DSE: variants seen among roughly 807,000 people sequenced by gnomAD.
DSE encodes dermatan sulfate epimerase.
DSE carries 36 observed loss-of-function variants against 84.4 expected under a neutral mutation model. That is an observed-to-expected ratio of 0.43 (90% CI 0.33 to 0.56). The LOEUF is 0.56. Among genes scored for constraint, DSE ranks in the 20% least tolerant of loss-of-function variants. The pLI is 0.06. For missense variants in DSE, 862 were observed against 1,169.6 expected (o/e 0.74, Z 3.84); for synonymous variants, 410 against 430.1 (o/e 0.95, Z 0.58).
chr6:116,331,402 C>A (rs773222793), intron 2 of DSE, among the ~76,000 whole-genome samples: 1 of 152,050 alleles, frequency 6.6e-6, no homozygotes, highest in African/African-American at 2.4e-5. Flanking sequence ...AAGTGCACTG[C>A]GAAGTGGGGA....
chr6:116,384,218 G>A (rs1780433901), intron 1 of DSE, among the ~76,000 whole-genome samples: 1 of 152,162 alleles, frequency 6.6e-6, no homozygotes, highest in Non-Finnish European at 1.5e-5. Context: ...GGAAGGCTTG[G>A]CTGGTCTGGA....
chr6:116,340,445 C>A (rs1777520570), intron 2 of DSE, among the ~76,000 whole-genome samples: 1 of 152,078 alleles, frequency 6.6e-6, no homozygotes, highest in African/African-American at 2.4e-5. Context: ...TTTCTAATTT[C>A]TATCACCTGA....
chr6:116,312,006 AT>A (rs963496422), intron 2 of DSE, among the ~76,000 whole-genome samples: 1 of 152,174 alleles, frequency 6.6e-6, no homozygotes, highest in Non-Finnish European at 1.5e-5. Flanking sequence ...TGGTTTTCCA[AT>A]TAGGTTCTTT....
chr6:116,418,230 G>T (rs1387168854), intron 2 of DSE, among the ~76,000 whole-genome samples: 1 of 152,126 alleles, frequency 6.6e-6, no homozygotes, highest in Non-Finnish European at 1.5e-5. Context: ...TTTCAACAGG[G>T]AGAGGGTCAT....
chr6:116,323,408 T>G lies in DSE; in HGVS notation c.-54+64441T>G, dbSNP rs76109650. ...TCTATTTTTTTATTGAGTAGTGAGA[T>G]TCACATTTGACTTGCCAGAAAAATA... is the stretch of plus-strand genomic sequence containing the variant. On this transcript the variant is annotated intron_variant, in intron 2 of 3. Transcript: ENST00000430252. Among the ~76,000 whole-genome samples, 971 of 152,324 alleles carry G rather than the reference T, an allele frequency of 6.4e-3. 10 individuals carry two copies. Among genetic ancestry groups the G allele is most frequent in the African/African-American group, 0.022 (922 of 41,574 alleles).
chr6:116,299,532 A>G (rs1582970321), intron 2 of DSE, among the ~76,000 whole-genome samples: 1 of 29,996 alleles, frequency 3.3e-5, no homozygotes, highest in Non-Finnish European at 5.0e-5. Flanking sequence ...ATATATATAT[A>G]TATATATATA....
intron 2 of DSE, among the ~76,000 whole-genome samples, chr6:116,353,528 A>G (rs913932464): frequency 6.6e-6 from 1 of 152,186 alleles, no homozygotes; most frequent in African/African-American, 2.4e-5. Context: ...AATACTAGCT[A>G]CCATTGAGCA....
chr6:116,283,276 C>A (rs1773655555), intron 2 of DSE, among the ~76,000 whole-genome samples: 1 of 152,232 alleles, frequency 6.6e-6, no homozygotes, highest in African/African-American at 2.4e-5. Flanking sequence ...TTTCTCCCTT[C>A]TCCTGAGTGC....
At chr6:116,257,612 G>T (rs1054713809) in intron 1 of DSE, among the ~76,000 whole-genome samples, 1 of 152,210 alleles carries the variant, frequency 6.6e-6, no homozygotes, top group Non-Finnish European at 1.5e-5. Context: ...AACAGATTTG[G>T]TGTCTGGTGA....
chr6:116,332,444 GA>G (rs989299427), intron 2 of DSE, among the ~76,000 whole-genome samples: 191 of 150,498 alleles, frequency 1.3e-3, no homozygotes, highest in African/African-American at 4.1e-3. Flanking sequence ...TTTAAAATAT[GA>G]AAAAAAAATT....
chr6:116,382,037 C>CTGTATGTG (rs1554220227), intron 1 of DSE, among the ~76,000 whole-genome samples: 1 of 144,770 alleles, frequency 6.9e-6, no homozygotes, highest in Non-Finnish European at 1.5e-5. Flanking sequence ...ACATGGCATT[C>CTGTATGTG]TGTGTGTGTG....
chr6:116,256,462 G>C (rs1772146435), intron 1 of DSE: 1 of 152,190 alleles, frequency 6.6e-6, no homozygotes, highest in Non-Finnish European at 1.5e-5. Flanking sequence ...AGTAAAAATA[G>C]AGTATTACAA....
rs1784489957 is a variant in DSE at position 116,443,489 on chromosome 6, G to A, written c.*6144G>A. On this transcript the variant is annotated 3_prime_UTR_variant, in exon 6 of 6. Transcript: ENST00000644252. ...TGTAGTGGCGGGTGATAGAAAATTA[G>A]ACTGGAAAAGTAGACCAGGCTCCAG... 1 of 152,140 alleles carries A rather than the reference G, an allele frequency of 6.6e-6. No homozygotes were observed. Among genetic ancestry groups the A allele is most frequent in the East Asian group, 1.9e-4 (1 of 5,196 alleles). The allele number at this position is 152,140 out of a possible 1,614,324, so 9.4% of individuals were successfully genotyped here.
chr6:116,278,089 T>C (rs1358675973), intron 2 of DSE: 1 of 196,958 alleles, frequency 5.1e-6, no homozygotes, highest in East Asian at 1.3e-4. Flanking sequence ...TAACGTCCAG[T>C]AACTGTCCAC....
chr6:116,392,809 G>A (rs959028710), intron 1 of DSE, among the ~76,000 whole-genome samples: 2 of 152,162 alleles, frequency 1.3e-5, no homozygotes, highest in Non-Finnish European at 2.9e-5. Flanking sequence ...TGTGAAGTCA[G>A]AAAATATTTC....
At chr6:116,418,047 G>C (rs1016945845) in intron 2 of DSE, among the ~76,000 whole-genome samples, 2 of 152,124 alleles carry the variant, frequency 1.3e-5, no homozygotes, top group African/African-American at 4.8e-5. Context: ...AAATTACAAA[G>C]GGTAGTCAAT....
chr6:116,369,959 C>T, upstream of DSE: 1 of 1,288,794 alleles, frequency 7.8e-7, no homozygotes, highest in South Asian at 1.2e-5. Context: ...CACTTCTGTA[C>T]AATCTAGGTC....
intron 2 of DSE, among the ~76,000 whole-genome samples, chr6:116,329,600 A>T (rs1481815998): frequency 6.6e-6 from 1 of 152,226 alleles, no homozygotes; most frequent in Non-Finnish European, 1.5e-5. Flanking sequence ...CACTATTTCC[A>T]TATCTGTTAT....
chr6:116,433,210 G>A, intron 4 of DSE, 133 bp from the exon 5 acceptor site: 2 of 854,472 alleles, frequency 2.3e-6, no homozygotes. Flanking sequence ...TGAGGATTGT[G>A]ATTTTTCTTT....
Sources: gnomAD v4.1 joint callset for allele counts (sites outside exome capture counted in the v4.1 genomes callset) on GRCh38, gnomAD v4.1.1 for gene constraint, MANE v1.5 for transcripts, NCBI Gene and HGNC (gene_info 2026-07-23, HGNC 2026-07-21) for gene names.